Variants in CLCN5 observed in about 807,000 individuals in gnomAD.
CLCN5 encodes Cl-/H+ antiporter 5, also known as H(+)/Cl(-) exchange transporter 5.
CLCN5 carries 17 observed loss-of-function variants against 54.0 expected under a neutral mutation model. The observed-to-expected ratio is 0.31, with a 90% CI of 0.22 to 0.47. The LOEUF is 0.47. Ranked by LOEUF, CLCN5 falls within the 20% of genes least tolerant of loss-of-function variation. The pLI, the probability that CLCN5 is intolerant of heterozygous loss-of-function variation, is 1.00. For synonymous variants in CLCN5, 222 were observed against 233.0 expected, an observed-to-expected ratio of 0.95 and a Z score of 0.43; for missense variants, 448 against 646.7, an observed-to-expected ratio of 0.69 and a Z score of 3.33.
chrX:49,970,384 C>T (rs782208526), intron 3 of CLCN5, among the ~76,000 whole-genome samples: 1 of 111,022 alleles, frequency 9.0e-6, no homozygotes, highest in Non-Finnish European at 1.9e-5. Flanking sequence ...TCTATCACCT[C>T]GAAACACTAT....
rs191615487 is a variant in CLCN5, at chrX:50,072,902, T to A, written c.415+314T>A. Among the ~76,000 whole-genome samples the A allele has an allele frequency of 2.5e-3, 275 of 111,023 alleles. 1 individual carries two copies. The highest frequency in any genetic ancestry group is 3.6e-3 in the Non-Finnish European group (190 of 52,941). ...CTTCTGTTGGAGACAGTTTTTTTTT[T>A]AATACATACTGCATGGGTTTTAGGA... On this transcript the variant is annotated intron_variant, in intron 6 of 14. Transcript: ENST00000376091.
intron 3 of CLCN5, among the ~76,000 whole-genome samples, chrX:50,018,830 C>A (rs1266187774): frequency 8.9e-6 from 1 of 111,813 alleles, no homozygotes; most frequent in Admixed American, 9.5e-5. Flanking sequence ...ACATATAATT[C>A]TTTTTATATA....
At position 49,936,476 on chromosome X, in the gene CLCN5, G is replaced by C. The variant is rs150977892; in HGVS notation, c.16+11162G>C. ...GGAGCTGGGTTAATACTGAGGAATAGCATTCTTTGAATTTGCGTTTGGATG... is the reference window on the plus strand; with the variant it reads ...GGAGCTGGGTTAATACTGAGGAATACCATTCTTTGAATTTGCGTTTGGATG... On this transcript the variant is annotated intron_variant, in intron 3 of 14. Transcript: ENST00000376091. 4.7e-4 allele frequency among the ~76,000 whole-genome samples: 53 copies of C among 112,176 alleles called. 1 individual carries two copies. The highest frequency in any genetic ancestry group is 1.6e-3 in the African/African-American group (49 of 30,971).
intron 4 of CLCN5, among the ~76,000 whole-genome samples, chrX:50,065,739 A>G (rs1229262597): frequency 9.4e-6 from 1 of 106,054 alleles, no homozygotes; most frequent in Non-Finnish European, 1.9e-5. Context: ...ATTATTCACA[A>G]TAGCAAAGAC....
intron 14 of CLCN5, 147 bp downstream of exon 14, chrX:50,091,033 G>A: frequency 2.0e-6 from 1 of 494,287 alleles, no homozygotes; most frequent in African/African-American, 2.4e-5. Context: ...AAGTGGATAG[G>A]TTTTTTTAAA....
chrX:50,051,610 T>C lies in CLCN5; in HGVS notation c.163+9148T>C, dbSNP rs782683211. On this transcript the variant is annotated intron_variant, in intron 4 of 14. Coordinates refer to ENST00000376091, the MANE Select transcript of CLCN5 (RefSeq NM_001127898.4). ...AATCTATAGATCAAGCTGGGAAGAA[T>C]TGAAATCTCAATAATACTGAGTTTT... 5.3e-5 allele frequency among the ~76,000 whole-genome samples: 6 copies of C among 112,330 alleles called. No individual in the cohort carries two copies. The South Asian group carries it at 1.8e-3, about 34-fold the overall frequency.
At chrX:49,929,318 A>G (rs968437470) in intron 3 of CLCN5, among the ~76,000 whole-genome samples, 9 of 112,277 alleles carry the variant, frequency 8.0e-5, no homozygotes, top group African/African-American at 2.9e-4. Flanking sequence ...TGTACTGAGC[A>G]TAATTTAATA....
At chrX:50,065,097 A>G (rs1335810629) in intron 4 of CLCN5, among the ~76,000 whole-genome samples, 15 of 96,537 alleles carry the variant, frequency 1.6e-4, no homozygotes, top group South Asian at 1.1e-3. Context: ...GGACATAGGC[A>G]TGGGCAAGGA....
rs782044357 is a variant in CLCN5, at chrX:49,928,192, A to C, written c.16+2878A>C. ...AACACAAAGAAAAGATAAATGTTAGAGGTGATGAATATCCCAGTTACCCTG... is the reference window on the plus strand; with the variant it reads ...AACACAAAGAAAAGATAAATGTTAGCGGTGATGAATATCCCAGTTACCCTG... On this transcript the variant is annotated intron_variant, in intron 3 of 14. Coordinates refer to ENST00000376091, the MANE Select transcript of CLCN5 (RefSeq NM_001127898.4). Among the ~76,000 whole-genome samples the C allele has an allele frequency of 5.3e-5, 6 of 112,566 alleles. No individual in the cohort carries two copies. The South Asian group carries it at 2.2e-3, about 42-fold the overall frequency.
chrX:50,033,175 A>T (rs1486231415), intron 3 of CLCN5, among the ~76,000 whole-genome samples: 1 of 111,175 alleles, frequency 9.0e-6, no homozygotes, highest in African/African-American at 3.3e-5. Flanking sequence ...CAGGGCAGTT[A>T]GGCAGGAGAA....
intron 3 of CLCN5, among the ~76,000 whole-genome samples, chrX:49,938,850 G>A (rs1447168543): frequency 9.9e-6 from 1 of 101,126 alleles, no homozygotes; most frequent in Non-Finnish European, 2.0e-5. Context: ...AGAGTGAACA[G>A]GCAACCTACA....
At chrX:49,957,651 C>A (rs782763812) in intron 3 of CLCN5, among the ~76,000 whole-genome samples, 1 of 111,887 alleles carries the variant, frequency 8.9e-6, no homozygotes. Flanking sequence ...ATCATGTTTC[C>A]GCTGTCTTTT....
chrX:50,060,569 G>C (rs1479597232), intron 4 of CLCN5, among the ~76,000 whole-genome samples: 8 of 109,026 alleles, frequency 7.3e-5, no homozygotes, highest in East Asian at 2.9e-4. Flanking sequence ...AGGCGGCAGC[G>C]AGGCTGGGGG....
At chrX:49,958,720 G>A (rs1339560430) in intron 3 of CLCN5, among the ~76,000 whole-genome samples, 1 of 111,362 alleles carries the variant, frequency 9.0e-6, no homozygotes, top group Non-Finnish European at 1.9e-5. Flanking sequence ...GGGCCTACAG[G>A]TCCAAGTTCA....
chrX:50,076,179 C>T (rs921332773), intron 7 of CLCN5, among the ~76,000 whole-genome samples, 197 bp downstream of exon 7: 1 of 111,808 alleles, frequency 8.9e-6, no homozygotes, highest in Admixed American at 9.5e-5. Context: ...AGTCATTTGA[C>T]GCTTATGTTT....
At chrX:50,005,509 G>A (rs1930107568) in intron 3 of CLCN5, among the ~76,000 whole-genome samples, 1 of 111,738 alleles carries the variant, frequency 8.9e-6, no homozygotes, top group Non-Finnish European at 1.9e-5. Context: ...AGGCAAGATA[G>A]GATAAATGTT....
At chrX:49,925,976 C>T (rs6610115) in intron 3 of CLCN5, among the ~76,000 whole-genome samples, 2,859 of 111,314 alleles carry the variant, frequency 0.026, 92 homozygotes, top group African/African-American at 0.087. Flanking sequence ...GGAGTCTCCA[C>T]GGGTATGTGG....
chrX:49,964,779 A>G (rs1557175246), intron 3 of CLCN5, among the ~76,000 whole-genome samples: 1 of 110,887 alleles, frequency 9.0e-6, no homozygotes, highest in Non-Finnish European at 1.9e-5. Flanking sequence ...AATTTTTTAG[A>G]GCACTTACTA....
chrX:49,964,456 G>A (rs183205114), intron 3 of CLCN5, among the ~76,000 whole-genome samples: 8 of 111,718 alleles, frequency 7.2e-5, no homozygotes, highest in African/African-American at 2.3e-4. Flanking sequence ...TTGTATAGAT[G>A]AAGAAACTGA....
Sources: allele counts gnomAD v4.1 joint callset (sites outside exome capture counted in the v4.1 genomes callset), GRCh38; gene constraint gnomAD v4.1.1; transcripts MANE v1.5; gene names NCBI Gene and HGNC (gene_info 2026-07-23, HGNC 2026-07-21).